Variants in OPCML observed in about 807,000 individuals in gnomAD.
The protein encoded by OPCML is opioid binding protein/cell adhesion molecule like.
Under a neutral mutation model 37.8 loss-of-function variants are expected in OPCML, and 13 were observed. That is an observed-to-expected ratio of 0.34 (90% confidence interval 0.22 to 0.55). OPCML has a LOEUF of 0.55. Among genes scored for constraint, OPCML ranks in the 20% least tolerant of loss-of-function variants. The pLI is 0.91. For synonymous variants in OPCML, 176 were observed against 168.8 expected, an observed-to-expected ratio of 1.04 and a Z score of -0.33; for missense variants, 341 against 435.6, an observed-to-expected ratio of 0.78 and a Z score of 1.93.
rs769996314 is a variant in OPCML at position 132,554,617 on chromosome 11, G to A, written c.380-25431C>T. ...CAGGTACCACCCCACCTGCTGGGGT[G>A]TCTCAGCTCATGGTGCCCTGTCTCC... On this transcript the variant is annotated intron_variant, in intron 3 of 7. Transcript: ENST00000524381. Among the ~76,000 whole-genome samples the A allele has an allele frequency of 5.9e-5, 9 of 152,278 alleles. No individual in the cohort carries two copies. In the South Asian group the frequency reaches 8.3e-4, roughly 14 times the overall value.
intron 1 of OPCML, among the ~76,000 whole-genome samples, chr11:133,215,878 C>T (rs553377137): frequency 1.4e-4 from 21 of 152,294 alleles, no homozygotes; most frequent in African/African-American, 3.6e-4. Context: ...GCTGGCTGCC[C>T]GCTTGAGTAC....
chr11:133,383,342 G>A (rs1944972191), intron 1 of OPCML, among the ~76,000 whole-genome samples: 1 of 152,044 alleles, frequency 6.6e-6, no homozygotes, highest in Non-Finnish European at 1.5e-5. Context: ...TCTACGACAG[G>A]AATCTGATCA....
At chr11:133,127,841 C>T (rs1470302369) in intron 1 of OPCML, among the ~76,000 whole-genome samples, 1 of 151,956 alleles carries the variant, frequency 6.6e-6, no homozygotes. Flanking sequence ...AGGAGGGGCA[C>T]CTCATATGGA....
intron 2 of OPCML, among the ~76,000 whole-genome samples, chr11:132,748,210 C>T (rs954156873): frequency 2.0e-5 from 3 of 152,086 alleles, no homozygotes; most frequent in Non-Finnish European, 4.4e-5. Flanking sequence ...CACTAAAACA[C>T]GAACTAGCAC....
rs528085237 is a variant in OPCML, at chr11:132,615,958, G to A, written c.379+41129C>T. Reference sequence around the variant, plus strand: ...GAGATGCATAAAAGTAAAGTGAAAGGACGGAGAGCCAATGAATCTAGGCTA... The same window carrying A: ...GAGATGCATAAAAGTAAAGTGAAAGAACGGAGAGCCAATGAATCTAGGCTA... On this transcript the variant is annotated intron_variant, in intron 3 of 7. Coordinates refer to ENST00000524381, the MANE Select transcript of OPCML (RefSeq NM_001012393.5). Among the ~76,000 whole-genome samples, 261 of 152,316 alleles carry A rather than the reference G, an allele frequency of 1.7e-3. 1 individual carries two copies. Among genetic ancestry groups the A allele is most frequent in the African/African-American group, 6.2e-3 (256 of 41,574 alleles).
chr11:132,758,118 G>A (rs780373428), intron 2 of OPCML, among the ~76,000 whole-genome samples: 1 of 152,130 alleles, frequency 6.6e-6, no homozygotes, highest in Non-Finnish European at 1.5e-5. Flanking sequence ...TGGCTGTGTG[G>A]TGTTATTTCT....
At position 133,159,637 on chromosome 11, in the gene OPCML, G is replaced by A. The variant is rs573416461; in HGVS notation, c.62-216627C>T. On this transcript the variant is annotated intron_variant, in intron 1 of 7. Coordinates refer to ENST00000524381, the MANE Select transcript of OPCML (RefSeq NM_001012393.5). ...GAGCGAAGTAATAAATCTGTATTGC[G>A]TAGAGAAGGAAAGTGAAGATTGACA... Among the ~76,000 whole-genome samples the A allele has an allele frequency of 3.3e-5, 5 of 152,330 alleles. No individual in the cohort carries two copies. The South Asian group carries it at 6.2e-4, about 19-fold the overall frequency.
chr11:133,095,611 T>C (rs1948988398), intron 1 of OPCML, among the ~76,000 whole-genome samples: 1 of 145,968 alleles, frequency 6.9e-6, no homozygotes, highest in Admixed American at 7.0e-5. Flanking sequence ...AGGTTTTATT[T>C]GGAACTACTG....
At chr11:132,978,430 T>G (rs1477967287) in intron 1 of OPCML, among the ~76,000 whole-genome samples, 2 of 152,136 alleles carry the variant, frequency 1.3e-5, no homozygotes, top group Non-Finnish European at 2.9e-5. Flanking sequence ...AGCCTTAAAA[T>G]GACAGGAGCT....
intron 1 of OPCML, among the ~76,000 whole-genome samples, chr11:133,045,537 G>C (rs779029044): frequency 2.2e-4 from 33 of 152,194 alleles, no homozygotes; most frequent in Non-Finnish European, 4.3e-4. Context: ...CAAAAATTCA[G>C]TCTCTCTAAA....
chr11:132,763,555 G>A (rs1023085672), intron 2 of OPCML, among the ~76,000 whole-genome samples: 20 of 152,144 alleles, frequency 1.3e-4, no homozygotes, highest in African/African-American at 4.6e-4. Context: ...AAAGCTATCT[G>A]GGGGCATCTT....
At chr11:133,153,020 C>T (rs1421938079) in intron 1 of OPCML, among the ~76,000 whole-genome samples, 1 of 152,096 alleles carries the variant, frequency 6.6e-6, no homozygotes, top group Admixed American at 6.5e-5. Context: ...CACGGGGTGA[C>T]CTTCTCCCTG....
In OPCML at chr11:133,133,985, C is replaced by T. The variant is rs565662073; in HGVS notation, c.62-190975G>A. Among the ~76,000 whole-genome samples, 6 of 152,214 alleles carry T rather than the reference C, an allele frequency of 3.9e-5. No homozygotes were observed. In the South Asian group the frequency reaches 8.3e-4, roughly 21 times the overall value. On this transcript the variant is annotated intron_variant, in intron 1 of 7. Coordinates refer to ENST00000524381, the MANE Select transcript of OPCML (RefSeq NM_001012393.5). ...GCACCTTACTAACCATTAATGAATACGCATACACAGAATATGAGATCGCTC... is the reference window on the plus strand; with the variant it reads ...GCACCTTACTAACCATTAATGAATATGCATACACAGAATATGAGATCGCTC...
intron 1 of OPCML, among the ~76,000 whole-genome samples, chr11:133,469,219 A>G (rs370692902): frequency 2.1e-4 from 31 of 150,838 alleles, no homozygotes; most frequent in African/African-American, 7.5e-4. Context: ...AGTTCGGCCA[A>G]TGATGGACCA....
intron 1 of OPCML, among the ~76,000 whole-genome samples, chr11:133,386,169 G>A (rs149259429): frequency 3.9e-5 from 6 of 152,244 alleles, no homozygotes; most frequent in Non-Finnish European, 7.4e-5. Context: ...TTGTTACAAC[G>A]CAATAAATTT....
intron 3 of OPCML, among the ~76,000 whole-genome samples, chr11:132,598,698 T>G (rs1289020269): frequency 6.6e-6 from 1 of 152,186 alleles, no homozygotes; most frequent in Non-Finnish European, 1.5e-5. Flanking sequence ...ATGATCTGCC[T>G]CTGAATTTAA....
intron 1 of OPCML, among the ~76,000 whole-genome samples, chr11:132,957,749 A>G (rs891638548): frequency 6.6e-6 from 1 of 152,170 alleles, no homozygotes; most frequent in Admixed American, 6.5e-5. Context: ...AGTAGTGATC[A>G]GTAATCTTTG....
At chr11:133,202,894 C>A (rs553999206) in intron 1 of OPCML, among the ~76,000 whole-genome samples, 1 of 152,224 alleles carries the variant, frequency 6.6e-6, no homozygotes, top group Admixed American at 6.5e-5. Context: ...TGCAGCTCAG[C>A]GCTTCTGCTT....
intron 2 of OPCML, among the ~76,000 whole-genome samples, chr11:132,678,899 A>T (rs1473158915): frequency 6.6e-6 from 1 of 152,070 alleles, no homozygotes; most frequent in East Asian, 1.9e-4. Context: ...ATGATGTGTC[A>T]TTGTAGGTTC....
Sources: gnomAD v4.1 joint callset for allele counts (sites outside exome capture counted in the v4.1 genomes callset) on GRCh38, gnomAD v4.1.1 for gene constraint, MANE v1.5 for transcripts, NCBI Gene and HGNC (gene_info 2026-07-23, HGNC 2026-07-21) for gene names.